ASTN1: variants seen among roughly 807,000 people sequenced by gnomAD.
The protein encoded by ASTN1 is astrotactin-1.
Under a neutral mutation model 140.7 loss-of-function variants are expected in ASTN1, and 41 were observed. The observed-to-expected ratio is 0.29, with a 90% CI of 0.23 to 0.38. The LOEUF is 0.38. Among genes scored for constraint, ASTN1 ranks in the 10% least tolerant of loss-of-function variants. The pLI, the probability that ASTN1 is intolerant of heterozygous loss-of-function variation, is 1.00. For missense variants in ASTN1, 1,479 were observed against 1,678.8 expected (o/e 0.88, Z 2.08); for synonymous variants, 640 against 652.2 (o/e 0.98, Z 0.29).
intron 21 of ASTN1, among the ~76,000 whole-genome samples, chr1:176,875,461 C>G (rs564659852): frequency 2.7e-4 from 41 of 152,298 alleles, no homozygotes; most frequent in African/African-American, 7.9e-4. Flanking sequence ...ATAACCCTAC[C>G]TTTAACATGC....
chr1:177,014,042 T>C (rs1180741053), intron 8 of ASTN1, among the ~76,000 whole-genome samples: 1 of 149,576 alleles, frequency 6.7e-6, no homozygotes, highest in South Asian at 2.1e-4. Flanking sequence ...CAAGACAATG[T>C]CTCAATTAAA....
chr1:176,997,748 A>G (rs1199244695), intron 8 of ASTN1, among the ~76,000 whole-genome samples: 1 of 152,188 alleles, frequency 6.6e-6, no homozygotes, highest in East Asian at 1.9e-4. Context: ...AAGACAAGGC[A>G]CGCTGGGACG....
At chr1:177,114,420 C>CAT (rs533026030) in intron 1 of ASTN1, among the ~76,000 whole-genome samples, 1,521 of 150,062 alleles carry the variant, frequency 0.01, 18 homozygotes, top group African/African-American at 0.033. Context: ...GAATGGTGCA[C>CAT]ATATATATAT....
At chr1:176,991,502 G>A (rs953276509) in intron 8 of ASTN1, among the ~76,000 whole-genome samples, 28 of 141,926 alleles carry the variant, frequency 2.0e-4, no homozygotes, top group Admixed American at 1.4e-4. Context: ...CATAATGAGT[G>A]GCTGTCCAAA....
chr1:176,969,036 G>A (rs1673015378), intron 8 of ASTN1, among the ~76,000 whole-genome samples: 1 of 152,116 alleles, frequency 6.6e-6, no homozygotes. Flanking sequence ...AAGTAATGAA[G>A]AGCTGGACGT....
rs150186030 is a variant in ASTN1, at chr1:176,879,257, G to C, written c.3363-2620C>G. On this transcript the variant is annotated intron_variant, in intron 20 of 22. Transcript: ENST00000361833. ...CCATTGCTGAGGTCCTGCCTGCCCAGTGCCCCATCCCCTGTCATTCTGGCC... is the reference window on the plus strand; with the variant it reads ...CCATTGCTGAGGTCCTGCCTGCCCACTGCCCCATCCCCTGTCATTCTGGCC... Among the ~76,000 whole-genome samples, 19 of 152,236 alleles carry C rather than the reference G, an allele frequency of 1.2e-4. 1 individual carries two copies. In the East Asian group the frequency reaches 3.5e-3, roughly 28 times the overall value.
intron 2 of ASTN1, among the ~76,000 whole-genome samples, chr1:177,050,832 C>A (rs1376241628): frequency 6.6e-6 from 1 of 152,088 alleles, no homozygotes; most frequent in East Asian, 1.9e-4. Flanking sequence ...CATAATCCTG[C>A]TTCTATTCTT....
intron 7 of ASTN1, among the ~76,000 whole-genome samples, chr1:177,019,310 A>T (rs1340965777): frequency 6.6e-6 from 1 of 152,210 alleles, no homozygotes; most frequent in Non-Finnish European, 1.5e-5. Context: ...TGAGCTCTCA[A>T]ACATCACCTA....
intron 22 of ASTN1, among the ~76,000 whole-genome samples, chr1:176,867,049 C>A (rs1668149392): frequency 6.6e-6 from 1 of 152,202 alleles, no homozygotes. Flanking sequence ...CATGAAGGAA[C>A]CTCCTGGGAG....
chr1:176,997,795 C>A (rs1344129531), intron 8 of ASTN1, among the ~76,000 whole-genome samples: 3 of 152,082 alleles, frequency 2.0e-5, no homozygotes, highest in African/African-American at 7.2e-5. Flanking sequence ...TGAGGCATCC[C>A]AAAGGAGGAA....
intron 17 of ASTN1, among the ~76,000 whole-genome samples, chr1:176,892,772 G>A (rs1300426850): frequency 6.6e-6 from 1 of 152,134 alleles, no homozygotes; most frequent in Non-Finnish European, 1.5e-5. Flanking sequence ...GTTATGATTT[G>A]GCACTCCTCT....
chr1:176,927,225 G>T (rs1032254356), intron 16 of ASTN1, among the ~76,000 whole-genome samples: 1 of 152,122 alleles, frequency 6.6e-6, no homozygotes, highest in Admixed American at 6.5e-5. Flanking sequence ...GGACAAAAAA[G>T]GTGGATTATG....
At chr1:176,915,945 A>G (rs1670460646) in intron 16 of ASTN1, among the ~76,000 whole-genome samples, 1 of 152,254 alleles carries the variant, frequency 6.6e-6, no homozygotes, top group African/African-American at 2.4e-5. Context: ...TAGCTACTGC[A>G]GGGAGGTATT....
chr1:176,968,318 G>A lies in ASTN1; in HGVS notation c.1524-3081C>T, dbSNP rs1672974950. 2.0e-5 allele frequency among the ~76,000 whole-genome samples: 3 copies of A among 152,222 alleles called. No individual in the cohort carries two copies. The South Asian group carries it at 6.2e-4, about 32-fold the overall frequency. On this transcript the variant is annotated intron_variant, in intron 8 of 22. Transcript: ENST00000361833. ...ATGCATCAAATATAAATACTATAAG[G>A]AGTGTTTCCCAAATTTCAATAGAGG...
chr1:177,057,780 TAATTTAAGTGCATTTCACTTCTC>T, intron 2 of ASTN1, among the ~76,000 whole-genome samples: 1 of 152,332 alleles, frequency 6.6e-6, no homozygotes, highest in African/African-American at 2.4e-5. Flanking sequence ...TAATAAGATT[TAATTTAAGTGCATTTCACTTCTC>T]AATATTGTTA....
chr1:176,935,446 C>A (rs1671401547), intron 15 of ASTN1, among the ~76,000 whole-genome samples: 2 of 152,146 alleles, frequency 1.3e-5, no homozygotes, highest in Admixed American at 1.3e-4. Flanking sequence ...TCAGTGAGGT[C>A]CCCATCCTAA....
At chr1:177,162,928 G>A (rs564989511) in intron 1 of ASTN1, among the ~76,000 whole-genome samples, 3 of 152,282 alleles carry the variant, frequency 2.0e-5, no homozygotes, top group Non-Finnish European at 4.4e-5. Context: ...ATCCTATCAA[G>A]AGCATAGGTT....
intron 2 of ASTN1, among the ~76,000 whole-genome samples, chr1:177,054,084 A>T (rs1677676379): frequency 6.6e-6 from 1 of 152,214 alleles, no homozygotes; most frequent in African/African-American, 2.4e-5. Context: ...ACTATGGGTC[A>T]GGAGAGGAGT....
At chr1:176,881,929 C>T (rs954642803) in intron 20 of ASTN1, among the ~76,000 whole-genome samples, 1 of 152,200 alleles carries the variant, frequency 6.6e-6, no homozygotes, top group Non-Finnish European at 1.5e-5. Context: ...TTCTCGTGAT[C>T]TCCTCTGCAA....
Sources: gnomAD v4.1 joint callset for allele counts (sites outside exome capture counted in the v4.1 genomes callset) on GRCh38, gnomAD v4.1.1 for gene constraint, MANE v1.5 for transcripts, NCBI Gene and HGNC (gene_info 2026-07-23, HGNC 2026-07-21) for gene names.